The following ARHGEF11 variants were observed in gnomAD, a reference collection of about 807,000 sequenced individuals.
The protein encoded by ARHGEF11 is Rho guanine nucleotide exchange factor 11.
Under a neutral mutation model 193.7 loss-of-function variants are expected in ARHGEF11, and 55 were observed. That is an observed-to-expected ratio of 0.28 (90% CI 0.23 to 0.36). ARHGEF11 has a LOEUF of 0.36. Ranked by LOEUF, ARHGEF11 falls within the 10% of genes least tolerant of loss-of-function variation. The pLI is 1.00. For synonymous variants in ARHGEF11, 693 were observed against 768.0 expected (o/e 0.90, Z 1.62); for missense variants, 1,723 against 2,005.6 (o/e 0.86, Z 2.69).
At position 156,955,610 on chromosome 1, in the gene ARHGEF11, C is replaced by T. The variant is rs1659836726; in HGVS notation, c.1768+93G>A. On this transcript the variant is annotated intron_variant, in intron 20 of 40. Coordinates refer to ENST00000368194, the MANE Select transcript of ARHGEF11 (RefSeq NM_198236.3). ...AGTTTGGGCCTGTGGCTCCCAGAAA[C>T]ACAGGAAGGCCCTCTGCCAACATAC... 4 of 1,000,254 alleles carry T rather than the reference C, an allele frequency of 4.0e-6. No individual in the cohort carries two copies. In the South Asian group the frequency reaches 4.1e-5, roughly 10 times the overall value. The allele number at this position is 1,000,254 out of a possible 1,614,324, so 62.0% of individuals were successfully genotyped here. A position where few individuals can be genotyped will look rare whatever the true frequency, so the allele number is the denominator to read the frequency against.
At chr1:156,958,691 G>A (rs1660319284) in intron 17 of ARHGEF11, 51 bp downstream of exon 17, 2 of 1,610,762 alleles carry the variant, frequency 1.2e-6, no homozygotes, top group Non-Finnish European at 8.5e-7. Flanking sequence ...CACAAAATAT[G>A]TCAACCTGCT....
chr1:157,040,566 G>C (rs143611964), intron 1 of ARHGEF11, among the ~76,000 whole-genome samples: 415 of 152,318 alleles, frequency 2.7e-3, no homozygotes, highest in African/African-American at 9.7e-3. Flanking sequence ...AGGAGATTCA[G>C]TAACCCTTCT....
chr1:157,000,647 G>A (rs187373217), intron 1 of ARHGEF11, among the ~76,000 whole-genome samples: 2 of 152,208 alleles, frequency 1.3e-5, no homozygotes, highest in African/African-American at 4.8e-5. Flanking sequence ...GGGTGGCAGA[G>A]GAAAGTTAGT....
rs906308272 is a variant in ARHGEF11, at chr1:157,001,670, T to G, written c.33-15497A>C. 4.2e-4 allele frequency among the ~76,000 whole-genome samples: 64 copies of G among 152,300 alleles called. 1 individual carries two copies. Among genetic ancestry groups the G allele is most frequent in the Admixed American group, 3.3e-4 (5 of 15,296 alleles). On this transcript the variant is annotated intron_variant, in intron 1 of 40. Coordinates refer to ENST00000368194, the MANE Select transcript of ARHGEF11 (RefSeq NM_198236.3). ...CACAAATGGAGGGTGCCCTCTCCAC[T>G]GGGGGAGATCCCAGACCATTCTGTG... is the stretch of plus-strand genomic sequence containing the variant.
At chr1:156,957,577 C>T (rs1464920945) in intron 18 of ARHGEF11, among the ~76,000 whole-genome samples, 1 of 152,184 alleles carries the variant, frequency 6.6e-6, no homozygotes, top group Non-Finnish European at 1.5e-5. Context: ...CCCACATCCC[C>T]AGGCAGTGAT....
chr1:157,038,248 A>T (rs1258913792), intron 1 of ARHGEF11, among the ~76,000 whole-genome samples: 2 of 138,512 alleles, frequency 1.4e-5, no homozygotes, highest in African/African-American at 5.5e-5. Flanking sequence ...ATCCCATCAC[A>T]CCACTTTGTA....
chr1:156,947,856 C>T lies in ARHGEF11; in HGVS notation c.2254G>A (p.Asp752Asn), dbSNP rs753803764. 1 of 1,614,168 alleles carries T rather than the reference C, an allele frequency of 6.2e-7. No homozygotes were observed. Among genetic ancestry groups the T allele is most frequent in the South Asian group, 1.1e-5 (1 of 91,072 alleles). The change falls in exon 25 of 41, where the codon GAT (aspartate) becomes AAT (asparagine). Residue 752 changes from aspartate (D) to asparagine (N), a missense_variant. Asp to Asn is a conservative substitution (Grantham distance 23, BLOSUM62 1). Transcript: ENST00000368194. ...ACTGTATGCTGCCAATTTTGGGCAT[C>T]TGGCTCTGGCTCCAGGTCAGACAGC... is the stretch of plus-strand genomic sequence containing the variant. ...GQLSDLEPEP[D>N]AQNWQHTVGK...
intron 1 of ARHGEF11, among the ~76,000 whole-genome samples, chr1:157,008,346 G>C (rs1380138247): frequency 1.3e-5 from 2 of 151,716 alleles, no homozygotes; most frequent in African/African-American, 2.4e-5. Context: ...CATGAGAGTA[G>C]GGCTCTCATG....
chr1:156,948,700 C>T lies in ARHGEF11; in HGVS notation c.1926-202G>A, dbSNP rs1378785328. 2 of 1,522,970 alleles carry T rather than the reference C, an allele frequency of 1.3e-6. No homozygotes were observed. Among genetic ancestry groups the T allele is most frequent in the South Asian group, 1.2e-5 (1 of 82,864 alleles). The allele number at this position is 1,522,970 out of a possible 1,614,324, so 94.3% of individuals were successfully genotyped here. ...TTGCTGCTCTACAAACTCCTCCTCTCTCCCCAGCCTAGCCTGATGGATGGA... is the reference window on the plus strand; with the variant it reads ...TTGCTGCTCTACAAACTCCTCCTCTTTCCCCAGCCTAGCCTGATGGATGGA... On this transcript the variant is annotated intron_variant, in intron 22 of 40. Coordinates refer to ENST00000368194, the MANE Select transcript of ARHGEF11 (RefSeq NM_198236.3). This position sits in a 1 kb window ranked among gnomAD's most constrained non-coding sequence, Gnocchi z 4.2.
At chr1:157,035,462 A>C (rs1671797810) in intron 1 of ARHGEF11, among the ~76,000 whole-genome samples, 1 of 151,406 alleles carries the variant, frequency 6.6e-6, no homozygotes, top group South Asian at 2.1e-4. Flanking sequence ...CTGGAGAGCA[A>C]TGGCGCAATC....
intron 5 of ARHGEF11, 92 bp from the exon 6 acceptor site, chr1:156,978,474 T>C (rs1663593071): frequency 2.8e-6 from 4 of 1,451,230 alleles, no homozygotes; most frequent in African/African-American, 1.4e-5. Context: ...CCTTGTCCTG[T>C]CATTAAACTC....
rs764725844 is a variant in ARHGEF11, at chr1:156,947,905, G to A, written c.2205C>T (p.His735=). ...GCTGGCCCAGATCATCCTCTAGGAGGTGGGGAAGGAGGGTATCTGTGCAGA... is the reference window on the plus strand; with the variant it reads ...GCTGGCCCAGATCATCCTCTAGGAGATGGGGAAGGAGGGTATCTGTGCAGA... ...LGFCTDTLLP[H]LLEDDLGQLS... Residue 735 remains histidine, a synonymous_variant, in exon 25 of 41, where the codon CAC becomes CAT. Coordinates refer to ENST00000368194, the MANE Select transcript of ARHGEF11 (RefSeq NM_198236.3). 4 of 1,614,010 alleles carry A rather than the reference G, an allele frequency of 2.5e-6. No individual in the cohort carries two copies. Among genetic ancestry groups the A allele is most frequent in the Non-Finnish European group, 8.5e-7 (1 of 1,180,036 alleles).
At chr1:156,947,564 GC>G in intron 25 of ARHGEF11, 114 bp from the exon 26 acceptor site, 1 of 1,377,200 alleles carries the variant, frequency 7.3e-7, no homozygotes, top group Non-Finnish European at 9.6e-7. Flanking sequence ...GAACTGAAGT[GC>G]CAGTTTCAGA....
At chr1:156,944,301 C>G in intron 31 of ARHGEF11, 57 bp downstream of exon 31, 1 of 1,563,100 alleles carries the variant, frequency 6.4e-7, no homozygotes, top group Non-Finnish European at 8.8e-7. Context: ...GACAGAAGAG[C>G]CCAGGGAGGC....
chr1:157,014,718 T>C (rs751160819), intron 1 of ARHGEF11, among the ~76,000 whole-genome samples: 11 of 152,170 alleles, frequency 7.2e-5, no homozygotes, highest in Non-Finnish European at 1.0e-4. Flanking sequence ...ATGAGATTGT[T>C]TTCAGTAAGA....
At chr1:157,008,401 C>G (rs569982131) in intron 1 of ARHGEF11, among the ~76,000 whole-genome samples, 2 of 34,356 alleles carry the variant, frequency 5.8e-5, no homozygotes, top group Non-Finnish European at 1.3e-4. Flanking sequence ...GAAGCTTGCA[C>G]GCACGCACAC....
At chr1:156,986,013 G>A (rs1664865538) in intron 2 of ARHGEF11, 69 bp downstream of exon 2, 1 of 1,340,360 alleles carries the variant, frequency 7.5e-7, no homozygotes, top group South Asian at 1.2e-5. Context: ...GGCCTCCCAA[G>A]TAGCTGGGAA....
At chr1:156,949,434 G>A (rs1047096011) in intron 22 of ARHGEF11, among the ~76,000 whole-genome samples, 13 of 152,108 alleles carry the variant, frequency 8.5e-5, no homozygotes, top group Non-Finnish European at 8.8e-5. Flanking sequence ...GACCACAGGA[G>A]GCCTGGAAAT....
chr1:156,959,623 G>A (rs909023233), intron 15 of ARHGEF11, among the ~76,000 whole-genome samples: 16 of 152,148 alleles, frequency 1.1e-4, no homozygotes, highest in South Asian at 6.2e-4. Context: ...TAAGTCCTTG[G>A]GAGCTGTGTT....
Sources: gnomAD v4.1 joint callset for allele counts (sites outside exome capture counted in the v4.1 genomes callset) on GRCh38, gnomAD v4.1.1 for gene constraint, Gnocchi (gnomAD v3.1) non-coding constraint, MANE v1.5 for transcripts, NCBI Gene and HGNC (gene_info 2026-07-23, HGNC 2026-07-21) for gene names.